Variants in MEF2C observed in about 807,000 individuals in gnomAD.
The protein encoded by MEF2C is myocyte-specific enhancer factor 2C.
A neutral mutation model predicts 50.5 loss-of-function variants in MEF2C; 6 were observed. That is an observed-to-expected ratio of 0.12 (90% confidence interval 0.07 to 0.23). The LOEUF is 0.23. Ranked by LOEUF, MEF2C falls within the 10% of genes least tolerant of loss-of-function variation. The probability of loss-of-function intolerance (pLI) is 1.00; values close to 1 mark genes in which losing one functional copy is unlikely to be tolerated. For synonymous variants in MEF2C, 183 were observed against 228.0 expected (o/e 0.80, Z 1.78); for missense variants, 276 against 605.0 (o/e 0.46, Z 5.70).
Position 88,768,404 on chromosome 5 carries a change from G to A in MEF2C, c.259-7076C>T, listed in dbSNP as rs529948018. Among the ~76,000 whole-genome samples, 286 of 152,184 alleles carry A rather than the reference G, an allele frequency of 1.9e-3. 1 individual carries two copies. Among genetic ancestry groups the A allele is most frequent in the Middle Eastern group, 6.8e-3 (2 of 294 alleles). On this transcript the variant is annotated intron_variant, in intron 3 of 10. Coordinates refer to ENST00000504921, the MANE Select transcript of MEF2C (RefSeq NM_002397.5). ...TGGCTGGAGGCAAAGGCTGTAGTAG[G>A]GTCCAGACCCCTTGATACATATTTA...
At chr5:88,777,493 A>G (rs1290548990) in intron 3 of MEF2C, among the ~76,000 whole-genome samples, 4 of 152,216 alleles carry the variant, frequency 2.6e-5, no homozygotes, top group African/African-American at 9.6e-5. Context: ...CTATGAACCC[A>G]TGAATGAGCT....
chr5:88,796,591 T>G (rs773359416), intron 3 of MEF2C, among the ~76,000 whole-genome samples: 3 of 152,204 alleles, frequency 2.0e-5, no homozygotes, highest in Non-Finnish European at 4.4e-5. Context: ...AGCTCCTAGA[T>G]TCACTGATTT....
intron 3 of MEF2C, among the ~76,000 whole-genome samples, chr5:88,800,284 G>A (rs1476236223): frequency 6.6e-6 from 1 of 152,156 alleles, no homozygotes; most frequent in Non-Finnish European, 1.5e-5. Context: ...CACATGACCT[G>A]GCTGAATGAG....
chr5:88,866,595 C>A (rs1459399879), intron 1 of MEF2C, among the ~76,000 whole-genome samples: 1 of 152,146 alleles, frequency 6.6e-6, no homozygotes, highest in Non-Finnish European at 1.5e-5. Flanking sequence ...TTCAAAAGGT[C>A]TTTTACTGAA....
chr5:88,902,182 GA>G (rs1835731813), intron 1 of MEF2C, among the ~76,000 whole-genome samples: 1 of 144,888 alleles, frequency 6.9e-6, no homozygotes, highest in African/African-American at 2.4e-5. Flanking sequence ...TCAAGTGCAT[GA>G]AATACATACT....
chr5:88,865,643 T>C (rs1827053329), intron 1 of MEF2C, among the ~76,000 whole-genome samples: 1 of 152,096 alleles, frequency 6.6e-6, no homozygotes, highest in African/African-American at 2.4e-5. Flanking sequence ...AGTTAGAAGA[T>C]TCCAAAGAGA....
chr5:88,723,127 T>A (rs1465296490), intron 10 of MEF2C, among the ~76,000 whole-genome samples: 1 of 152,218 alleles, frequency 6.6e-6, no homozygotes, highest in Non-Finnish European at 1.5e-5. Context: ...CGGTAGTAAT[T>A]ACAGCATTTA....
At chr5:88,838,935 C>T (rs556841470) in intron 1 of MEF2C, among the ~76,000 whole-genome samples, 3 of 152,214 alleles carry the variant, frequency 2.0e-5, no homozygotes, top group East Asian at 3.9e-4. Flanking sequence ...AGGAATTTTA[C>T]GGCTTTCAAC....
chr5:88,871,111 A>G (rs1001766261), intron 1 of MEF2C, among the ~76,000 whole-genome samples: 2 of 152,096 alleles, frequency 1.3e-5, no homozygotes, highest in African/African-American at 4.8e-5. Context: ...CTCTGATTAC[A>G]ATGAAAATTT....
chr5:88,808,825 G>A (rs183222567), intron 2 of MEF2C, among the ~76,000 whole-genome samples: 12 of 151,894 alleles, frequency 7.9e-5, no homozygotes, highest in Non-Finnish European at 1.6e-4. Context: ...TCAATTCTGC[G>A]CTTTTATACT....
At chr5:88,859,565 A>G (rs1452640250) in intron 1 of MEF2C, among the ~76,000 whole-genome samples, 1 of 152,250 alleles carries the variant, frequency 6.6e-6, no homozygotes, top group Non-Finnish European at 1.5e-5. Flanking sequence ...AGAGGAAAGC[A>G]TTAATGTTTT....
At chr5:88,799,206 C>G (rs571177156) in intron 3 of MEF2C, among the ~76,000 whole-genome samples, 1 of 152,320 alleles carries the variant, frequency 6.6e-6, no homozygotes, top group African/African-American at 2.4e-5. Context: ...TTAGAGCCAG[C>G]AGGCCAGAAC....
intron 1 of MEF2C, among the ~76,000 whole-genome samples, chr5:88,874,862 C>A (rs1830594475): frequency 6.6e-6 from 1 of 151,740 alleles, no homozygotes; most frequent in Admixed American, 6.6e-5. Context: ...AAAATTAGAA[C>A]AAATATTTAT....
chr5:88,826,441 T>C (rs1031886589), intron 1 of MEF2C, among the ~76,000 whole-genome samples: 5 of 151,960 alleles, frequency 3.3e-5, no homozygotes, highest in Admixed American at 6.6e-5. Flanking sequence ...GTGGTGATGA[T>C]GACACTAAGT....
intron 3 of MEF2C, among the ~76,000 whole-genome samples, chr5:88,801,891 A>G (rs1186788989): frequency 6.6e-6 from 1 of 152,140 alleles, no homozygotes; most frequent in East Asian, 1.9e-4. Context: ...AAAATATTCC[A>G]TGTGAAGATG....
chr5:88,825,663 A>G, intron 1 of MEF2C: 1 of 983,380 alleles, frequency 1.0e-6, no homozygotes. Context: ...TATTTTTAGA[A>G]AACGTCTTAA....
At chr5:88,751,266 G>T in intron 5 of MEF2C, 1 of 985,434 alleles carries the variant, frequency 1.0e-6, no homozygotes, top group Non-Finnish European at 1.2e-6. Context: ...AAGTAAAAGT[G>T]CAGAGACAAA....
At chr5:88,772,419 C>G (rs1265124524) in intron 3 of MEF2C, 5 of 152,270 alleles carry the variant, frequency 3.3e-5, no homozygotes, top group Non-Finnish European at 2.9e-5. Context: ...GTAAAGACAT[C>G]TAATGGGCTT....
At chr5:88,762,309 G>A (rs886332222) in intron 3 of MEF2C, among the ~76,000 whole-genome samples, 1 of 152,168 alleles carries the variant, frequency 6.6e-6, no homozygotes, top group African/African-American at 2.4e-5. Context: ...ACAGGATTTT[G>A]CTCTGTCGCC....
Sources: allele counts gnomAD v4.1 joint callset (sites outside exome capture counted in the v4.1 genomes callset), GRCh38; gene constraint gnomAD v4.1.1; transcripts MANE v1.5; gene names NCBI Gene and HGNC (gene_info 2026-07-23, HGNC 2026-07-21).